The following DHRS2 variants were observed in gnomAD, a reference collection of about 807,000 sequenced individuals.
DHRS2 encodes the protein dehydrogenase/reductase 2, also known as dehydrogenase/reductase SDR family member 2, mitochondrial.
Under a neutral mutation model 26.3 loss-of-function variants are expected in DHRS2, and 29 were observed. The observed-to-expected ratio is 1.10, with a 90% CI of 0.82 to 1.50. The LOEUF (loss-of-function observed/expected upper bound fraction) is 1.50, where lower values mean the gene tolerates loss of function less well. Ranked by LOEUF, DHRS2 falls within the 40% of genes most tolerant of loss-of-function variation. The pLI is 0.00. For missense variants in DHRS2, 439 were observed against 367.1 expected (o/e 1.20, Z -1.60); for synonymous variants, 164 against 151.3 (o/e 1.08, Z -0.62).
chr14:23,643,010 A>C lies in DHRS2; in HGVS notation c.421-142A>C, dbSNP rs1473964525. The C allele has an allele frequency of 7.7e-6, 6 of 775,216 alleles. No homozygotes were observed. In the African/African-American group the frequency reaches 8.6e-5, roughly 11 times the overall value. 48.0% of individuals were successfully genotyped at this position (775,216 alleles called of 1,614,324 possible). A position where few individuals can be genotyped will look rare whatever the true frequency, so the allele number is the denominator to read the frequency against. ...GCAAATTGGAAATACCTCTTGCACC[A>C]GTCAGAAGGGGGATTGGTTTCTCTT... On this transcript the variant is annotated intron_variant, in intron 4 of 8. Transcript: ENST00000250383.
At chr14:23,644,680 C>G in intron 7 of DHRS2, 137 bp downstream of exon 7, 1 of 1,484,206 alleles carries the variant, frequency 6.7e-7, no homozygotes, top group Admixed American at 1.7e-5. Flanking sequence ...CTGAACTCAG[C>G]CATGGTGCAG....
At position 23,645,208 on chromosome 14, in the gene DHRS2, C is replaced by T; in HGVS notation, c.798C>T (p.Val266=). ...TGTGCTCTCCAGATGCCAGCTACGT[C>T]AACGGGGAGAACATTGCGGTGGCAG... ...SFLCSPDASY[V]NGENIAVAGY... is the part of the protein sequence containing the mutation. Residue 266 remains valine (V), a synonymous_variant, in exon 9 of 9, where the codon GTC becomes GTT. Transcript: ENST00000250383. 2 of 1,614,204 alleles carry T rather than the reference C, an allele frequency of 1.2e-6. No individual in the cohort carries two copies. The highest frequency in any genetic ancestry group is 1.7e-6 in the Non-Finnish European group (2 of 1,180,046).
chr14:23,631,044 C>G (rs1326448557), intron 1 of DHRS2, among the ~76,000 whole-genome samples: 2 of 152,102 alleles, frequency 1.3e-5, no homozygotes, highest in East Asian at 3.8e-4. Context: ...TTAAATCTCT[C>G]TTGGATCAGG....
chr14:23,641,955 C>A, intron 4 of DHRS2: 1 of 1,155,034 alleles, frequency 8.7e-7, no homozygotes, highest in Non-Finnish European at 1.1e-6. Flanking sequence ...CATGTCAGTC[C>A]CACCTGGCAC....
intron 4 of DHRS2, chr14:23,642,044 C>T: frequency 9.1e-7 from 1 of 1,096,060 alleles, no homozygotes; most frequent in Non-Finnish European, 1.1e-6. Flanking sequence ...CCAGACCCAC[C>T]AGACAGAGCT....
upstream of DHRS2, among the ~76,000 whole-genome samples, chr14:23,633,417 G>A (rs1890176981): frequency 6.6e-6 from 1 of 152,092 alleles, no homozygotes; most frequent in Non-Finnish European, 1.5e-5. Context: ...AGGCACATAG[G>A]CATCCCTGCT....
intron 1 of DHRS2, among the ~76,000 whole-genome samples, chr14:23,631,010 T>C (rs1890103792): frequency 6.6e-6 from 1 of 152,130 alleles, no homozygotes; most frequent in African/African-American, 2.4e-5. Flanking sequence ...TTTTATCAGA[T>C]CCTAAAAGGT....
In DHRS2 at chr14:23,639,164, C is replaced by T. The variant is rs1191854763; in HGVS notation, c.141-15C>T. On this transcript the variant is annotated splice_polypyrimidine_tract_variant and intron_variant, in intron 2 of 8. Coordinates refer to ENST00000250383, the MANE Select transcript of DHRS2 (RefSeq NM_005794.4). ...GAGGCTGAGGCTGACTTTTGCCCTCCATCTCTGCATTCAGGATCGGCTTTG... is the reference window on the plus strand; with the variant it reads ...GAGGCTGAGGCTGACTTTTGCCCTCTATCTCTGCATTCAGGATCGGCTTTG... The T allele has an allele frequency of 1.2e-6, 2 of 1,611,284 alleles. No individual in the cohort carries two copies. The highest frequency in any genetic ancestry group is 1.7e-5 in the Admixed American group (1 of 59,806).
chr14:23,634,974 C>T (rs1400795575), upstream of DHRS2, among the ~76,000 whole-genome samples: 1 of 152,208 alleles, frequency 6.6e-6, no homozygotes, highest in East Asian at 1.9e-4. Flanking sequence ...TTGTAAGTTT[C>T]CTGAGGCCTT....
At chr14:23,643,980 C>A in intron 5 of DHRS2, 131 bp from the exon 6 acceptor site, 1 of 925,640 alleles carries the variant, frequency 1.1e-6, no homozygotes, top group Non-Finnish European at 1.8e-6. Flanking sequence ...GTTTTCTGAA[C>A]TCTGAGATGG....
intron 1 of DHRS2, among the ~76,000 whole-genome samples, chr14:23,637,236 T>G (rs891995500): frequency 6.6e-6 from 1 of 152,198 alleles, no homozygotes; most frequent in East Asian, 1.9e-4. Flanking sequence ...CCACTCCCTG[T>G]CTCTGGTGCT....
At chr14:23,640,474 C>A (rs571615730) in intron 4 of DHRS2, 13 of 981,570 alleles carry the variant, frequency 1.3e-5, no homozygotes, top group African/African-American at 3.5e-5. Context: ...CACAAGGGAC[C>A]GGGAGAGACC....
rs1414395090 is a variant in DHRS2, at chr14:23,640,116, G to T, written c.420+221G>T. 4 of 719,390 alleles carry T rather than the reference G, an allele frequency of 5.6e-6. No homozygotes were observed. In the African/African-American group the frequency reaches 5.6e-5, roughly 10 times the overall value. The allele number at this position is 719,390 out of a possible 1,614,324, so 44.6% of individuals were successfully genotyped here. On this transcript the variant is annotated intron_variant, in intron 4 of 8. Coordinates refer to ENST00000250383, the MANE Select transcript of DHRS2 (RefSeq NM_005794.4). ...ATCTGGCCCCCACACTTTCTGCTTTGTTTTCTCTTCTCATCACTTTTTCAT... is the reference window on the plus strand; with the variant it reads ...ATCTGGCCCCCACACTTTCTGCTTTTTTTTCTCTTCTCATCACTTTTTCAT...
upstream of DHRS2, among the ~76,000 whole-genome samples, chr14:23,633,165 C>T (rs1239136166): frequency 6.6e-6 from 1 of 152,210 alleles, no homozygotes; most frequent in Non-Finnish European, 1.5e-5. Flanking sequence ...ACCTGAGTCT[C>T]CCATGCCAGA....
At position 23,644,168 on chromosome 14, in the gene DHRS2, T is replaced by C; in HGVS notation, c.540+6T>C. On this transcript the variant is annotated splice_donor_region_variant and intron_variant, in intron 6 of 8. Transcript: ENST00000250383. ...CAGCTTATAATCCAGTAGTGGTAAGTGCTTGGTCCTTGTGCTCCTGAGTGG... is the reference window on the plus strand; with the variant it reads ...CAGCTTATAATCCAGTAGTGGTAAGCGCTTGGTCCTTGTGCTCCTGAGTGG... The C allele has an allele frequency of 1.2e-6, 2 of 1,614,162 alleles. No individual in the cohort carries two copies. Among genetic ancestry groups the C allele is most frequent in the Non-Finnish European group, 1.7e-6 (2 of 1,179,996 alleles).
At chr14:23,637,093 C>T (rs1160531274) in intron 1 of DHRS2, among the ~76,000 whole-genome samples, 4 of 152,214 alleles carry the variant, frequency 2.6e-5, no homozygotes, top group Admixed American at 2.6e-4. Flanking sequence ...GCGGAACTCT[C>T]AAAGGCATGT....
upstream of DHRS2, among the ~76,000 whole-genome samples, chr14:23,635,653 C>T (rs1774249378): frequency 6.6e-6 from 1 of 152,260 alleles, no homozygotes. Context: ...GCTAGCAGCC[C>T]TTGCTCACTC....
chr14:23,633,877 A>T (rs1338497611), upstream of DHRS2, among the ~76,000 whole-genome samples: 1 of 152,188 alleles, frequency 6.6e-6, no homozygotes, highest in Non-Finnish European at 1.5e-5. Flanking sequence ...CTTGAATTTT[A>T]AAATTTACCA....
chr14:23,643,800 C>T (rs1340745806), intron 5 of DHRS2: 1 of 428,666 alleles, frequency 2.3e-6, no homozygotes, highest in African/African-American at 2.0e-5. Context: ...CACTCACCAT[C>T]AGCCTTGGGT....
Sources: gnomAD v4.1 joint callset for allele counts (sites outside exome capture counted in the v4.1 genomes callset) on GRCh38, gnomAD v4.1.1 for gene constraint, MANE v1.5 for transcripts, NCBI Gene and HGNC (gene_info 2026-07-23, HGNC 2026-07-21) for gene names.